Variants in AJAP1 observed in about 807,000 individuals in gnomAD.
AJAP1 encodes adherens junction-associated protein 1.
AJAP1 carries 5 observed loss-of-function variants against 35.0 expected under a neutral mutation model. The observed-to-expected ratio is 0.14, with a 90% CI of 0.07 to 0.30. The LOEUF is 0.30. AJAP1 is among the 10% of genes least tolerant of loss of function. AJAP1 has a pLI of 1.00. For missense variants in AJAP1, 586 were observed against 571.0 expected, an observed-to-expected ratio of 1.03 and a Z score of -0.27; for synonymous variants, 284 against 249.3, an observed-to-expected ratio of 1.14 and a Z score of -1.31.
rs1016842924 is a variant in AJAP1, at chr1:4,734,290, G to A, written c.829+21591G>A. Among the ~76,000 whole-genome samples, 7 of 152,162 alleles carry A rather than the reference G, an allele frequency of 4.6e-5. No homozygotes were observed. Among genetic ancestry groups the A allele is most frequent in the Non-Finnish European group, 1.0e-4 (7 of 68,040 alleles). On this transcript the variant is annotated intron_variant, in intron 2 of 5. Coordinates refer to ENST00000378191, the MANE Select transcript of AJAP1 (RefSeq NM_018836.4). This position sits in a 1 kb window ranked among gnomAD's most constrained non-coding sequence, Gnocchi z 4.3. Reference sequence around the variant, plus strand: ...AGCCTCCTGCCTCACTATTAACAGCGCTGCGTCCATACTGGGAGCCAGGTT... The same window carrying A: ...AGCCTCCTGCCTCACTATTAACAGCACTGCGTCCATACTGGGAGCCAGGTT...
At chr1:4,731,092 C>A (rs908657870) in intron 2 of AJAP1, among the ~76,000 whole-genome samples, 4 of 151,898 alleles carry the variant, frequency 2.6e-5, no homozygotes, top group African/African-American at 9.7e-5. Flanking sequence ...GTGTTTTGTT[C>A]TGTTTTGAGA....
chr1:4,680,241 C>T (rs1488049482), intron 1 of AJAP1, among the ~76,000 whole-genome samples: 1 of 152,138 alleles, frequency 6.6e-6, no homozygotes, highest in Non-Finnish European at 1.5e-5. Context: ...CCATGAACAC[C>T]CTCACCCATA....
At chr1:4,744,926 G>A (rs1307956529) in intron 2 of AJAP1, among the ~76,000 whole-genome samples, 1 of 152,066 alleles carries the variant, frequency 6.6e-6, no homozygotes, top group African/African-American at 2.4e-5. Context: ...AGACCTAATA[G>A]GGCCCGGATT....
chr1:4,670,000 G>T (rs1639215581), intron 1 of AJAP1, among the ~76,000 whole-genome samples: 1 of 152,176 alleles, frequency 6.6e-6, no homozygotes, highest in Non-Finnish European at 1.5e-5. Context: ...TACAGCATTT[G>T]TGTGATCTTT....
chr1:4,740,004 G>A (rs1248875697), intron 2 of AJAP1, among the ~76,000 whole-genome samples: 1 of 152,164 alleles, frequency 6.6e-6, no homozygotes, highest in Non-Finnish European at 1.5e-5. Context: ...GAAGGAGAAA[G>A]GACCTGACGG....
chr1:4,692,152 G>A lies in AJAP1; in HGVS notation c.30-19748G>A, dbSNP rs974446490. On this transcript the variant is annotated intron_variant, in intron 1 of 5. Transcript: ENST00000378191. This position sits in a 1 kb window ranked among gnomAD's most constrained non-coding sequence, Gnocchi z 4.4. ...TCTGCATCGTTGCCGCCTTCTCGAG[G>A]GTTAGGAGTCAGCCCCGCTTAATAG... is the stretch of plus-strand genomic sequence containing the variant. Among the ~76,000 whole-genome samples, 2 of 152,148 alleles carry A rather than the reference G, an allele frequency of 1.3e-5. No individual in the cohort carries two copies. Among genetic ancestry groups the A allele is most frequent in the African/African-American group, 4.8e-5 (2 of 41,426 alleles).
intron 1 of AJAP1, among the ~76,000 whole-genome samples, chr1:4,679,048 C>T (rs145103811): frequency 2.0e-5 from 3 of 152,330 alleles, no homozygotes; most frequent in Non-Finnish European, 4.4e-5. Flanking sequence ...TTAACTGCTT[C>T]ATCCTAGAAG....
At chr1:4,711,606 C>G (rs375327950) in intron 1 of AJAP1, among the ~76,000 whole-genome samples, 1 of 152,212 alleles carries the variant, frequency 6.6e-6, no homozygotes, top group African/African-American at 2.4e-5. Flanking sequence ...TTTTCGCTCG[C>G]GTGAAATGGA....
At chr1:4,672,133 GA>G (rs1639264065) in intron 1 of AJAP1, among the ~76,000 whole-genome samples, 1 of 152,180 alleles carries the variant, frequency 6.6e-6, no homozygotes, top group Admixed American at 6.5e-5. Flanking sequence ...TATTATCTGG[GA>G]TTGTTGTGAA....
At chr1:4,726,584 T>G (rs902789733) in intron 2 of AJAP1, among the ~76,000 whole-genome samples, 11 of 151,620 alleles carry the variant, frequency 7.3e-5, no homozygotes, top group Admixed American at 6.6e-4. Context: ...AGAAGGTGAG[T>G]TTTGAAGCCT....
intron 2 of AJAP1, among the ~76,000 whole-genome samples, chr1:4,731,140 G>C (rs1047898520): frequency 3.9e-5 from 6 of 152,140 alleles, no homozygotes; most frequent in Non-Finnish European, 7.3e-5. Flanking sequence ...GAGTGCAATG[G>C]CACAATCTTG....
chr1:4,696,363 T>G (rs767961150), intron 1 of AJAP1, among the ~76,000 whole-genome samples: 16 of 152,298 alleles, frequency 1.1e-4, no homozygotes, highest in Non-Finnish European at 2.1e-4. Flanking sequence ...AGGAACAGCT[T>G]CCGGATGCGA....
In AJAP1 at chr1:4,753,815, G is replaced by T. The variant is rs1239320027; in HGVS notation, c.830-16038G>T. 4.6e-5 allele frequency among the ~76,000 whole-genome samples: 7 copies of T among 152,224 alleles called. No homozygotes were observed. The South Asian group carries it at 8.3e-4, about 18-fold the overall frequency. On this transcript the variant is annotated intron_variant, in intron 2 of 5. Transcript: ENST00000378191. ...TCGAACTCCTGACCTCAGGTGATCC[G>T]CCCACCTCAGCCTTCCAAAGTGCTG...
intron 2 of AJAP1, among the ~76,000 whole-genome samples, chr1:4,744,405 A>C (rs1641139899): frequency 6.6e-6 from 1 of 152,192 alleles, no homozygotes; most frequent in African/African-American, 2.4e-5. Flanking sequence ...GCAATTATTA[A>C]ACTGTATTAG....
intron 2 of AJAP1, among the ~76,000 whole-genome samples, chr1:4,729,861 C>G (rs1054076036): frequency 2.0e-5 from 3 of 152,178 alleles, no homozygotes; most frequent in Non-Finnish European, 4.4e-5. Flanking sequence ...AGGATGAGCT[C>G]CTTAGTCACA....
chr1:4,692,272 A>G lies in AJAP1; in HGVS notation c.30-19628A>G, dbSNP rs1248345045. On this transcript the variant is annotated intron_variant, in intron 1 of 5. Coordinates refer to ENST00000378191, the MANE Select transcript of AJAP1 (RefSeq NM_018836.4). The surrounding 1 kb of genome is among the most constrained non-coding windows in gnomAD (Gnocchi z 4.4). The stretch of plus-strand genomic sequence containing the variant: ...CTCCCGCCACCAGGACAGGGTTGTC[A>G]GGGCTTCTCGGGCTCCTCACCCCGC... 1.3e-5 allele frequency among the ~76,000 whole-genome samples: 2 copies of G among 152,068 alleles called. No homozygotes were observed. The highest frequency in any genetic ancestry group is 2.9e-5 in the Non-Finnish European group (2 of 68,002).
At chr1:4,724,930 C>T (rs1640614200) in intron 2 of AJAP1, among the ~76,000 whole-genome samples, 1 of 152,248 alleles carries the variant, frequency 6.6e-6, no homozygotes, top group African/African-American at 2.4e-5. Context: ...CAGTTCTCCA[C>T]AAGCACCCTC....
intron 1 of AJAP1, among the ~76,000 whole-genome samples, chr1:4,677,906 C>T (rs964743476): frequency 2.6e-5 from 4 of 152,316 alleles, no homozygotes; most frequent in African/African-American, 9.6e-5. Context: ...TTTCGTAAAA[C>T]ATATAAATAT....
Position 4,712,531 on chromosome 1 carries a change from A to G in AJAP1, c.661A>G (p.Thr221Ala). The change falls in exon 2 of 6, where the codon ACC becomes GCC. Residue 221 changes from threonine (T) to alanine (A), a missense_variant. Physicochemically the swap from Thr to Ala is moderately conservative, Grantham distance 58. Coordinates refer to ENST00000378191, the MANE Select transcript of AJAP1 (RefSeq NM_018836.4). ...TRKTTVAATT[T>A]TTTTATPMTL... ...GAAGACAACTGTGGCCGCCACCACC[A>G]CCACCACCACCACGGCCACCCCCAT... 6.2e-7 allele frequency: 1 copy of G among 1,612,350 alleles called. No homozygotes were observed. The highest frequency in any genetic ancestry group is 8.5e-7 in the Non-Finnish European group (1 of 1,179,466).
Sources: allele counts gnomAD v4.1 joint callset (sites outside exome capture counted in the v4.1 genomes callset), GRCh38; gene constraint gnomAD v4.1.1; non-coding constraint Gnocchi (gnomAD v3.1); transcripts MANE v1.5; gene names NCBI Gene and HGNC (gene_info 2026-07-23, HGNC 2026-07-21).